The following HS6ST3 variants were observed in gnomAD, a reference collection of about 807,000 sequenced individuals.
HS6ST3 encodes heparan sulfate 6-O-sulfotransferase 3.
Under a neutral mutation model 36.7 loss-of-function variants are expected in HS6ST3, and 12 were observed. That is an observed-to-expected ratio of 0.33 (90% CI 0.21 to 0.53). The LOEUF (loss-of-function observed/expected upper bound fraction) is 0.53. Ranked by LOEUF, HS6ST3 falls within the 20% of genes least tolerant of loss-of-function variation. The pLI is 0.95. For synonymous variants in HS6ST3, 240 were observed against 257.5 expected, an observed-to-expected ratio of 0.93 and a Z score of 0.65; for missense variants, 584 against 640.9, an observed-to-expected ratio of 0.91 and a Z score of 0.96.
chr13:96,313,281 G>A (rs1348340266), intron 1 of HS6ST3, among the ~76,000 whole-genome samples: 3 of 151,152 alleles, frequency 2.0e-5, no homozygotes, highest in African/African-American at 7.3e-5. Flanking sequence ...CCCTAGAACA[G>A]GTTTTTAAAA....
chr13:96,540,648 C>A (rs2056174114), intron 1 of HS6ST3, among the ~76,000 whole-genome samples: 1 of 152,196 alleles, frequency 6.6e-6, no homozygotes, highest in African/African-American at 2.4e-5. Flanking sequence ...CCATTAATTA[C>A]TAACATGCTC....
intron 1 of HS6ST3, among the ~76,000 whole-genome samples, chr13:96,545,838 T>C (rs894736941): frequency 3.9e-5 from 6 of 151,962 alleles, no homozygotes; most frequent in African/African-American, 1.5e-4. Flanking sequence ...TAAGAAGAGG[T>C]AGAACGTTAG....
intron 1 of HS6ST3, among the ~76,000 whole-genome samples, chr13:96,723,357 G>A (rs959400268): frequency 6.6e-5 from 10 of 152,150 alleles, no homozygotes; most frequent in Admixed American, 2.6e-4. Flanking sequence ...GAAGAACCTC[G>A]CCCTACGCAT....
Position 96,835,001 on chromosome 13 carries a change from T to C in HS6ST3, c.*1803T>C, listed in dbSNP as rs1238340241. The C allele has an allele frequency of 6.6e-6, 1 of 152,342 alleles. No individual in the cohort carries two copies. Among genetic ancestry groups the C allele is most frequent in the African/African-American group, 2.4e-5 (1 of 41,560 alleles). The allele number at this position is 152,342 out of a possible 1,614,324, so 9.4% of individuals were successfully genotyped here. ...ATATATTCTGCACAACAAATGGGTA[T>C]TGTTAGTCTCCATTTCATAGATGAA... On this transcript the variant is annotated 3_prime_UTR_variant, in exon 2 of 2. Coordinates refer to ENST00000376705, the MANE Select transcript of HS6ST3 (RefSeq NM_153456.4).
intron 1 of HS6ST3, among the ~76,000 whole-genome samples, chr13:96,758,520 T>C (rs934557315): frequency 2.6e-5 from 4 of 151,916 alleles, no homozygotes; most frequent in Admixed American, 6.6e-5. Flanking sequence ...TAAATATTAG[T>C]ATACATTTCC....
chr13:96,203,136 A>G (rs1327405206), intron 1 of HS6ST3, among the ~76,000 whole-genome samples: 3 of 152,202 alleles, frequency 2.0e-5, no homozygotes, highest in Non-Finnish European at 4.4e-5. Flanking sequence ...CCATTTTAAG[A>G]TATAAACACG....
At chr13:96,567,463 G>A (rs2056285575) in intron 1 of HS6ST3, among the ~76,000 whole-genome samples, 1 of 152,062 alleles carries the variant, frequency 6.6e-6, no homozygotes, top group African/African-American at 2.4e-5. Flanking sequence ...AATCTGCGGG[G>A]AAGTAATTTT....
chr13:96,539,258 T>C (rs529598777), intron 1 of HS6ST3, among the ~76,000 whole-genome samples: 102 of 152,344 alleles, frequency 6.7e-4, no homozygotes, highest in African/African-American at 2.4e-3. Flanking sequence ...ACTAGTGTTC[T>C]CTGTAAACCT....
chr13:96,493,120 C>T (rs544578760), intron 1 of HS6ST3, among the ~76,000 whole-genome samples: 7 of 152,266 alleles, frequency 4.6e-5, no homozygotes, highest in Admixed American at 2.0e-4. Flanking sequence ...TTTTCAGAAC[C>T]AGATCCACTG....
rs1357720617 is a variant in HS6ST3 at position 96,835,366 on chromosome 13, A to G, written c.*2168A>G. ...GGCAGCTGTGTTTTTTAAGCCATATACAAGAGTAAGTTAAAAGGGGCCAAG... is the reference window on the plus strand; with the variant it reads ...GGCAGCTGTGTTTTTTAAGCCATATGCAAGAGTAAGTTAAAAGGGGCCAAG... On this transcript the variant is annotated 3_prime_UTR_variant, in exon 2 of 2. Coordinates refer to ENST00000376705, the MANE Select transcript of HS6ST3 (RefSeq NM_153456.4). 1.3e-5 allele frequency: 2 copies of G among 152,278 alleles called. No individual in the cohort carries two copies. Among genetic ancestry groups the G allele is most frequent in the African/African-American group, 4.8e-5 (2 of 41,458 alleles). The allele number at this position is 152,278 out of a possible 1,614,324, so 9.4% of individuals were successfully genotyped here.
At chr13:96,193,779 A>C (rs1376153146) in intron 1 of HS6ST3, among the ~76,000 whole-genome samples, 1 of 152,236 alleles carries the variant, frequency 6.6e-6, no homozygotes, top group Non-Finnish European at 1.5e-5. Context: ...CAGGGCATTT[A>C]GAAAGAGGAG....
chr13:96,564,080 T>C (rs1249959702), intron 1 of HS6ST3, among the ~76,000 whole-genome samples: 1 of 152,240 alleles, frequency 6.6e-6, no homozygotes, highest in African/African-American at 2.4e-5. Context: ...AACTATTTTG[T>C]TGTTCCTTGC....
chr13:96,277,408 G>A (rs2054753623), intron 1 of HS6ST3, among the ~76,000 whole-genome samples: 1 of 152,182 alleles, frequency 6.6e-6, no homozygotes, highest in South Asian at 2.1e-4. Context: ...CCTAGCAGGT[G>A]TACAGTCGAT....
At chr13:96,801,070 G>A (rs1283642836) in intron 1 of HS6ST3, among the ~76,000 whole-genome samples, 1 of 151,994 alleles carries the variant, frequency 6.6e-6, no homozygotes, top group East Asian at 1.9e-4. Context: ...ATGTCATTTG[G>A]TCTTTTAGCA....
At chr13:96,523,232 C>A (rs765255433) in intron 1 of HS6ST3, among the ~76,000 whole-genome samples, 2 of 152,116 alleles carry the variant, frequency 1.3e-5, no homozygotes, top group Non-Finnish European at 2.9e-5. Context: ...GAGAGGGATC[C>A]GCTGCTAGTC....
chr13:96,450,937 A>G (rs917112421), intron 1 of HS6ST3, among the ~76,000 whole-genome samples: 7 of 152,220 alleles, frequency 4.6e-5, no homozygotes, highest in African/African-American at 1.7e-4. Context: ...TCAAACCCCT[A>G]TGTGAAGGCC....
At chr13:96,714,905 C>T (rs1050791652) in intron 1 of HS6ST3, among the ~76,000 whole-genome samples, 9 of 151,928 alleles carry the variant, frequency 5.9e-5, no homozygotes, top group African/African-American at 2.2e-4. Context: ...CAGGGTCTTG[C>T]TATTTTGCCC....
At chr13:96,830,680 C>T (rs1878759693) in intron 1 of HS6ST3, among the ~76,000 whole-genome samples, 1 of 152,128 alleles carries the variant, frequency 6.6e-6, no homozygotes, top group Admixed American at 6.5e-5. Context: ...TTGAAGCCTA[C>T]CTGGCAGCAC....
intron 1 of HS6ST3, among the ~76,000 whole-genome samples, chr13:96,776,794 C>T (rs1354113132): frequency 6.6e-6 from 1 of 152,168 alleles, no homozygotes; most frequent in African/African-American, 2.4e-5. Context: ...CCTTCTGAAA[C>T]TATTCCAAAC....
Sources: gnomAD v4.1 joint callset for allele counts (sites outside exome capture counted in the v4.1 genomes callset) on GRCh38, gnomAD v4.1.1 for gene constraint, MANE v1.5 for transcripts, NCBI Gene and HGNC (gene_info 2026-07-23, HGNC 2026-07-21) for gene names.